FARP2: variants seen among roughly 807,000 people sequenced by gnomAD.
The protein encoded by FARP2 is FERM, ARHGEF and pleckstrin domain-containing protein 2.
In FARP2, 111 loss-of-function variants were observed where a neutral mutation model predicts 130.5. That is an observed-to-expected ratio of 0.85 (90% CI 0.73 to 1.00). FARP2 has a LOEUF of 1.00. Ranked by LOEUF, FARP2 falls within the 50% of genes least tolerant of loss-of-function variation. The pLI, the probability that FARP2 is intolerant of heterozygous loss-of-function variation, is 0.00. For synonymous variants in FARP2, 504 were observed against 516.9 expected (o/e 0.98, Z 0.34); for missense variants, 1,385 against 1,346.3 (o/e 1.03, Z -0.45).
intron 1 of FARP2, among the ~76,000 whole-genome samples, chr2:241,370,319 T>C (rs2061397726): frequency 6.6e-6 from 1 of 152,224 alleles, no homozygotes; most frequent in Non-Finnish European, 1.5e-5. Flanking sequence ...AGATCTATTA[T>C]ATAGCATGGT....
chr2:241,377,805 C>T (rs1435402041), intron 2 of FARP2, among the ~76,000 whole-genome samples: 2 of 151,666 alleles, frequency 1.3e-5, no homozygotes, highest in Non-Finnish European at 2.9e-5. Context: ...CCTTTTTGAT[C>T]ATCAGGTGGA....
intron 1 of FARP2, 25 bp from the exon 2 acceptor site, chr2:241,373,059 G>A: frequency 1.8e-6 from 2 of 1,141,148 alleles, no homozygotes; most frequent in Non-Finnish European, 2.3e-6. Flanking sequence ...ATTCCTTCAT[G>A]TGGTTTTTTT....
At chr2:241,396,673 G>A (rs1486762737) in intron 2 of FARP2, among the ~76,000 whole-genome samples, 1 of 152,212 alleles carries the variant, frequency 6.6e-6, no homozygotes, top group African/African-American at 2.4e-5. Context: ...TCATTAAAAA[G>A]TCAGGGAGCA....
intron 14 of FARP2, 60 bp from the exon 15 acceptor site, chr2:241,462,463 T>C: frequency 8.1e-7 from 1 of 1,232,950 alleles, no homozygotes. Flanking sequence ...TCAGGCTCCC[T>C]GAGCGTGGGA....
intron 12 of FARP2, among the ~76,000 whole-genome samples, chr2:241,438,793 T>G (rs202043006): frequency 0.026 from 1 of 38 alleles, no homozygotes; most frequent in Non-Finnish European, 0.062. Flanking sequence ...CCATGCCTGG[T>G]AATTTTTTTT....
chr2:241,484,866 C>G (rs929825929), intron 21 of FARP2, among the ~76,000 whole-genome samples: 1 of 152,156 alleles, frequency 6.6e-6, no homozygotes, highest in African/African-American at 2.4e-5. Flanking sequence ...GAGGCTATGT[C>G]CACTTGCCCT....
chr2:241,395,700 C>T (rs2062013616), intron 2 of FARP2: 1 of 152,190 alleles, frequency 6.6e-6, no homozygotes, highest in African/African-American at 2.4e-5. Flanking sequence ...ATGTTTCTTC[C>T]AGTTATGAAG....
intron 13 of FARP2, among the ~76,000 whole-genome samples, chr2:241,450,067 A>G (rs896650655): frequency 1.3e-5 from 2 of 151,982 alleles, no homozygotes; most frequent in Non-Finnish European, 2.9e-5. Flanking sequence ...CTGAAATAAC[A>G]GTTTTAAATT....
intron 19 of FARP2, among the ~76,000 whole-genome samples, chr2:241,476,214 TAAAAAAAAA>T (rs57746386): frequency 9.2e-6 from 1 of 108,166 alleles, no homozygotes; most frequent in Non-Finnish European, 1.9e-5. Flanking sequence ...TTCTATGAAT[TAAAAAAAAA>T]AAAAAAAAAA....
At chr2:241,406,815 A>G (rs970582572) in intron 4 of FARP2, among the ~76,000 whole-genome samples, 22 of 150,444 alleles carry the variant, frequency 1.5e-4, no homozygotes, top group Non-Finnish European at 3.1e-4. Context: ...TTATTTATTT[A>G]TTTATTTTTT....
intron 9 of FARP2, 52 bp downstream of exon 9, chr2:241,431,826 A>ATT: frequency 4.5e-6 from 3 of 673,888 alleles, no homozygotes; most frequent in Non-Finnish European, 6.3e-6. Flanking sequence ...TTATTTATTT[A>ATT]TTTATTTTTT....
At chr2:241,369,793 C>T (rs2061386650) in intron 1 of FARP2, among the ~76,000 whole-genome samples, 1 of 152,170 alleles carries the variant, frequency 6.6e-6, no homozygotes, top group Non-Finnish European at 1.5e-5. Flanking sequence ...GAAGAACCCA[C>T]TGTTGGTGGT....
chr2:241,482,638 C>T lies in FARP2; in HGVS notation c.2263-827C>T, dbSNP rs2064644717. On this transcript the variant is annotated intron_variant, in intron 19 of 26. Coordinates refer to ENST00000264042, the MANE Select transcript of FARP2 (RefSeq NM_014808.4). The surrounding 1 kb of genome is among the most constrained non-coding windows in gnomAD (Gnocchi z 4.6). ...CTGTTTGGGCTGGTTTTTCATCCTG[C>T]GTTTCTGTGAGGATTATCTGTGTAG... 6.6e-6 allele frequency among the ~76,000 whole-genome samples: 1 copy of T among 152,128 alleles called. No individual in the cohort carries two copies. Among genetic ancestry groups the T allele is most frequent in the African/African-American group, 2.4e-5 (1 of 41,414 alleles).
chr2:241,426,261 A>C (rs1448795194), intron 8 of FARP2, among the ~76,000 whole-genome samples: 1 of 152,184 alleles, frequency 6.6e-6, no homozygotes, highest in East Asian at 1.9e-4. Context: ...GAAGAGTGTT[A>C]ACTAGGGATA....
chr2:241,447,425 T>A (rs2063536987), intron 13 of FARP2, among the ~76,000 whole-genome samples: 1 of 152,118 alleles, frequency 6.6e-6, no homozygotes, highest in South Asian at 2.1e-4. Context: ...TGCTCTCGCC[T>A]GGTGTGGCCT....
chr2:241,419,734 A>T (rs1202096589), intron 8 of FARP2, among the ~76,000 whole-genome samples: 8 of 152,252 alleles, frequency 5.3e-5, no homozygotes, highest in African/African-American at 1.9e-4. Context: ...AAGGGCTCAC[A>T]GTTCATGCTT....
Position 241,434,181 on chromosome 2 carries a change from A to AT in FARP2, c.896dup (p.Leu299PhefsTer4), listed in dbSNP as rs769237179. ...AGGGACCTTACCAGGACACATTAGA[A>AT]TTTTTGTTGGGTAGTAGAGATGAAT... On this transcript the variant is annotated frameshift_variant, in exon 10 of 27. Transcript: ENST00000264042. LOFTEE classifies it high-confidence loss of function. The AT allele has an allele frequency of 9.3e-6, 15 of 1,611,970 alleles. No homozygotes were observed. Among genetic ancestry groups the AT allele is most frequent in the Admixed American group, 1.7e-5 (1 of 59,582 alleles).
intron 20 of FARP2, 80 bp from the exon 21 acceptor site, chr2:241,484,162 A>G: frequency 2.5e-6 from 4 of 1,591,716 alleles, no homozygotes; most frequent in Non-Finnish European, 3.4e-6. Context: ...CCACATGATG[A>G]GCAGCCAGAG....
chr2:241,480,226 C>T (rs1332479778), intron 19 of FARP2, among the ~76,000 whole-genome samples: 1 of 152,134 alleles, frequency 6.6e-6, no homozygotes, highest in East Asian at 1.9e-4. Context: ...TCCAGTGCTT[C>T]TGGAGACTTC....
Sources: allele counts gnomAD v4.1 joint callset (sites outside exome capture counted in the v4.1 genomes callset), GRCh38; gene constraint gnomAD v4.1.1; non-coding constraint Gnocchi (gnomAD v3.1); transcripts MANE v1.5; gene names NCBI Gene and HGNC (gene_info 2026-07-23, HGNC 2026-07-21).